COL27A1: variants seen among roughly 807,000 people sequenced by gnomAD.
COL27A1 encodes collagen type XXVII alpha 1 chain.
Under a neutral mutation model 251.3 loss-of-function variants are expected in COL27A1, and 106 were observed. The ratio of observed to expected loss-of-function variants is 0.42; its 90% CI spans 0.36 to 0.50. The LOEUF is 0.50. COL27A1 is among the 20% of genes least tolerant of loss of function. COL27A1 has a pLI of 0.00. For synonymous variants in COL27A1, 1,000 were observed against 986.3 expected (o/e 1.01, Z -0.26); for missense variants, 2,325 against 2,522.8 (o/e 0.92, Z 1.68).
chr9:114,304,427 G>A, intron 56 of COL27A1, 181 bp from the exon 57 acceptor site: 1 of 625,030 alleles, frequency 1.6e-6, no homozygotes, highest in Admixed American at 2.5e-5. Flanking sequence ...TTAGTACCTG[G>A]GGAAAGGGAA....
At chr9:114,193,581 C>G (rs144377928) in intron 5 of COL27A1, among the ~76,000 whole-genome samples, 26 of 152,146 alleles carry the variant, frequency 1.7e-4, no homozygotes, top group African/African-American at 6.3e-4. Context: ...CTAGACAGTC[C>G]CTTTCCTTCT....
At chr9:114,187,945 G>A (rs1185447813) in intron 5 of COL27A1, among the ~76,000 whole-genome samples, 1 of 152,220 alleles carries the variant, frequency 6.6e-6, no homozygotes, top group Non-Finnish European at 1.5e-5. Context: ...GGTCTCAGGA[G>A]TCAGTGTGCC....
intron 3 of COL27A1, among the ~76,000 whole-genome samples, chr9:114,172,389 C>G (rs1459793947): frequency 6.6e-6 from 1 of 152,204 alleles, no homozygotes. Flanking sequence ...CCTGACTCCA[C>G]CCCTTTTAGC....
intron 24 of COL27A1, among the ~76,000 whole-genome samples, chr9:114,249,553 C>T (rs760441993): frequency 2.6e-5 from 4 of 152,220 alleles, no homozygotes; most frequent in Non-Finnish European, 4.4e-5. Flanking sequence ...CAGCAAGACA[C>T]GTGTGGCCCT....
In COL27A1 at chr9:114,194,992, C is replaced by G. The variant is rs141353414; in HGVS notation, c.2070+535C>G. 2.0e-4 allele frequency among the ~76,000 whole-genome samples: 30 copies of G among 152,332 alleles called. No homozygotes were observed. In the East Asian group the frequency reaches 5.6e-3, roughly 28 times the overall value. On this transcript the variant is annotated intron_variant, in intron 6 of 60. Transcript: ENST00000356083. ...TTTGGCTAAAGGCCTTCATCCGTCT[C>G]TGAAGCATCCACCCCATAAACTGAG...
At chr9:114,301,380 C>T in intron 53 of COL27A1, 61 bp downstream of exon 53, 2 of 1,612,488 alleles carry the variant, frequency 1.2e-6, no homozygotes, top group Non-Finnish European at 8.5e-7. Flanking sequence ...GGGGTGGGCT[C>T]CCAGAGTTGG....
rs570731943 is a variant in COL27A1, at chr9:114,306,410, C to T, written c.4939-110C>T. ...ACCCAACCCGTGCTCTAGCCATGACCGTGGAACCGAGATACCTCCCAGGTT... is the reference window on the plus strand; with the variant it reads ...ACCCAACCCGTGCTCTAGCCATGACTGTGGAACCGAGATACCTCCCAGGTT... On this transcript the variant is annotated intron_variant, in intron 57 of 60. Transcript: ENST00000356083. 3.1e-5 allele frequency: 34 copies of T among 1,100,108 alleles called. No individual in the cohort carries two copies. In the East Asian group the frequency reaches 3.8e-4, roughly 12 times the overall value. 68.1% of individuals were successfully genotyped at this position (1,100,108 alleles called of 1,614,324 possible). A position where few individuals can be genotyped will look rare whatever the true frequency, so the allele number is the denominator to read the frequency against.
intron 24 of COL27A1, chr9:114,246,122 C>T (rs1280377614): frequency 7.9e-6 from 4 of 506,450 alleles, no homozygotes; most frequent in South Asian, 5.9e-5. Context: ...ATCATAGTCA[C>T]GACAGCTTTT....
intron 2 of COL27A1, among the ~76,000 whole-genome samples, chr9:114,167,088 C>G (rs1193224964): frequency 6.6e-6 from 1 of 152,188 alleles, no homozygotes; most frequent in African/African-American, 2.4e-5. Context: ...TTACCAAGCT[C>G]TGGTGACAGG....
rs114397008 is a variant in COL27A1, at chr9:114,162,828, C to T, written c.133+43C>T. On this transcript the variant is annotated intron_variant, in intron 2 of 60. Transcript: ENST00000356083. Reference sequence around the variant, plus strand: ...TTGTCCAGGGGGAGACAAAGGAGAACGGAAGGGGCCTGAGAACTCAGGGGT... The same window carrying T: ...TTGTCCAGGGGGAGACAAAGGAGAATGGAAGGGGCCTGAGAACTCAGGGGT... 1.9e-3 allele frequency: 2,819 copies of T among 1,457,254 alleles called. 40 individuals are homozygous for T. In the African/African-American group the frequency reaches 0.032, roughly 16 times the overall value. 90.3% of individuals were successfully genotyped at this position (1,457,254 alleles called of 1,614,324 possible). A position where few individuals can be genotyped will look rare whatever the true frequency, so the allele number is the denominator to read the frequency against.
rs1564471624 is a variant in COL27A1 at position 114,209,677 on chromosome 9, C to T, written c.2271C>T (p.Gly757=). The change falls in exon 11 of 61, where the codon GGC becomes GGT. Residue 757 remains glycine, a splice_region_variant and synonymous_variant. Coordinates refer to ENST00000356083, the MANE Select transcript of COL27A1 (RefSeq NM_032888.4). ...ACCCCCTTTCTTCTCTTTCCTAGGG[C>T]TACATTGGGCTCCCAGGGCTCTTCG... ...VGDPGPKGSR[G]YIGLPGLFGL... The T allele has an allele frequency of 1.2e-6, 2 of 1,614,142 alleles. No individual in the cohort carries two copies. Among genetic ancestry groups the T allele is most frequent in the Non-Finnish European group, 8.5e-7 (1 of 1,179,988 alleles).
intron 16 of COL27A1, among the ~76,000 whole-genome samples, chr9:114,233,885 G>T (rs1298977710): frequency 6.6e-6 from 1 of 152,140 alleles, no homozygotes; most frequent in East Asian, 1.9e-4. Flanking sequence ...CCTTTGGTGG[G>T]GAGGAGCCTT....
At chr9:114,223,334 A>C (rs574336368) in intron 14 of COL27A1, among the ~76,000 whole-genome samples, 4 of 152,320 alleles carry the variant, frequency 2.6e-5, no homozygotes, top group Admixed American at 2.0e-4. Context: ...TGTACTGAGA[A>C]ATTCTGCTCA....
chr9:114,236,009 T>G (rs1832370110), intron 17 of COL27A1, among the ~76,000 whole-genome samples: 2 of 152,048 alleles, frequency 1.3e-5, no homozygotes, highest in African/African-American at 4.8e-5. Context: ...AGGACCCCAG[T>G]GAGTGCATCT....
At chr9:114,245,785 G>C in intron 23 of COL27A1, 81 bp from the exon 24 acceptor site, 1 of 1,355,682 alleles carries the variant, frequency 7.4e-7, no homozygotes, top group South Asian at 1.2e-5. Context: ...GGCAGCTAAG[G>C]CCAGCAGGCC....
intron 3 of COL27A1, among the ~76,000 whole-genome samples, chr9:114,171,875 G>A (rs1849347632): frequency 6.6e-6 from 1 of 152,220 alleles, no homozygotes; most frequent in Non-Finnish European, 1.5e-5. Flanking sequence ...GGCTGTGTGT[G>A]TTCATCCCTG....
chr9:114,169,036 C>T lies in COL27A1; in HGVS notation c.1481C>T (p.Thr494Ile), dbSNP rs778617049. ...FTALSSSPAP[T>I]PGSTRSTRPP... is the part of the protein sequence containing the mutation. ...GCTTTATCCTCATCTCCTGCCCCTACTCCTGGTTCTACCAGGAGTACTCGG... is the reference window on the plus strand; with the variant it reads ...GCTTTATCCTCATCTCCTGCCCCTATTCCTGGTTCTACCAGGAGTACTCGG... Residue 494 changes from threonine to isoleucine, a missense_variant, in exon 3 of 61, where the codon ACT (threonine) becomes ATT (isoleucine). By Grantham distance (89) the Thr-to-Ile change is moderately conservative. Coordinates refer to ENST00000356083, the MANE Select transcript of COL27A1 (RefSeq NM_032888.4). The T allele has an allele frequency of 1.9e-6, 3 of 1,613,992 alleles. No individual in the cohort carries two copies. Among genetic ancestry groups the T allele is most frequent in the Non-Finnish European group, 1.7e-6 (2 of 1,179,990 alleles).
intron 22 of COL27A1, among the ~76,000 whole-genome samples, chr9:114,243,229 T>C (rs1832882494): frequency 6.6e-6 from 1 of 152,178 alleles, no homozygotes; most frequent in Non-Finnish European, 1.5e-5. Context: ...GTTCCTTCCT[T>C]TCCCTCACTC....
At chr9:114,211,465 A>G (rs548220769) in intron 12 of COL27A1, among the ~76,000 whole-genome samples, 4 of 152,364 alleles carry the variant, frequency 2.6e-5, no homozygotes, top group African/African-American at 9.6e-5. Context: ...GCAAAGCCAG[A>G]GGACAATGGG....
Sources: gnomAD v4.1 joint callset for allele counts (sites outside exome capture counted in the v4.1 genomes callset) on GRCh38, gnomAD v4.1.1 for gene constraint, MANE v1.5 for transcripts, NCBI Gene and HGNC (gene_info 2026-07-23, HGNC 2026-07-21) for gene names.